RGS6: variants seen among roughly 807,000 people sequenced by gnomAD.
RGS6 encodes regulator of G-protein signaling 6.
In RGS6, 30 loss-of-function variants were observed where a neutral mutation model predicts 78.5. The ratio of observed to expected loss-of-function variants is 0.38; its 90% CI spans 0.29 to 0.52. The LOEUF (loss-of-function observed/expected upper bound fraction) is 0.52. Among genes scored for constraint, RGS6 ranks in the 20% least tolerant of loss-of-function variants. RGS6 has a pLI of 0.85. For missense variants in RGS6, 495 were observed against 609.7 expected (o/e 0.81, Z 1.98); for synonymous variants, 206 against 206.0 (o/e 1.00, Z 0.00).
At chr14:71,932,110 G>A (rs2087913147), upstream of RGS6, among the ~76,000 whole-genome samples, 1 of 152,216 alleles carries the variant, frequency 6.6e-6, no homozygotes, top group Non-Finnish European at 1.5e-5. Flanking sequence ...ATTGACGAAA[G>A]CAGCCTCCGC....
chr14:72,296,304 T>A (rs67838629), intron 2 of RGS6, among the ~76,000 whole-genome samples: 1 of 152,196 alleles, frequency 6.6e-6, no homozygotes, highest in Admixed American at 6.5e-5. Context: ...ATGAAAAGCC[T>A]TGTTCAAGGC....
At chr14:72,406,740 T>G (rs187080578) in intron 3 of RGS6, among the ~76,000 whole-genome samples, 148 of 152,332 alleles carry the variant, frequency 9.7e-4, no homozygotes, top group African/African-American at 3.3e-3. Context: ...TTCATCTTAG[T>G]ATTTTGGGGA....
At chr14:72,211,147 T>G (rs929252195) in intron 2 of RGS6, among the ~76,000 whole-genome samples, 1 of 152,154 alleles carries the variant, frequency 6.6e-6, no homozygotes, top group Non-Finnish European at 1.5e-5. Context: ...CCTAGAGTTA[T>G]TCAGAAAAGA....
At chr14:72,123,384 A>C (rs189978206) in intron 2 of RGS6, among the ~76,000 whole-genome samples, 6 of 152,370 alleles carry the variant, frequency 3.9e-5, no homozygotes, top group African/African-American at 7.2e-5. Flanking sequence ...AGTTGGTAGA[A>C]ATCAAGAAGC....
intron 2 of RGS6, among the ~76,000 whole-genome samples, chr14:72,112,880 C>G (rs796771715): frequency 3.3e-5 from 5 of 152,262 alleles, no homozygotes; most frequent in African/African-American, 9.6e-5. Context: ...TTGTTGTTAC[C>G]TTGAATATAA....
In RGS6 at chr14:72,540,028, T is replaced by C. The variant is rs1248347343; in HGVS notation, c.1369-13T>C. ...TGTATTTTTCTCCCTACCCTTTTTT[T>C]TTTTTCCTAAAGCCAGAAAGTGAGC... On this transcript the variant is annotated splice_polypyrimidine_tract_variant and intron_variant, in intron 16 of 17. Transcript: ENST00000553525. 1.3e-6 allele frequency: 2 copies of C among 1,562,052 alleles called. No individual in the cohort carries two copies. The highest frequency in any genetic ancestry group is 2.8e-5 in the African/African-American group (2 of 72,680).
At chr14:72,161,493 A>C (rs1419103641) in intron 2 of RGS6, among the ~76,000 whole-genome samples, 3 of 152,140 alleles carry the variant, frequency 2.0e-5, no homozygotes, top group African/African-American at 7.2e-5. Flanking sequence ...ATCTGTGCGA[A>C]TCTCCTTCTG....
At chr14:72,159,364 G>A (rs1567340865) in intron 2 of RGS6, among the ~76,000 whole-genome samples, 1 of 152,196 alleles carries the variant, frequency 6.6e-6, no homozygotes, top group Non-Finnish European at 1.5e-5. Flanking sequence ...TGTGAGGGTA[G>A]GCGCTCCAAA....
At chr14:72,008,623 C>G (rs2085046949) in intron 2 of RGS6, among the ~76,000 whole-genome samples, 1 of 152,166 alleles carries the variant, frequency 6.6e-6, no homozygotes, top group Non-Finnish European at 1.5e-5. Flanking sequence ...TGGTCCTGCT[C>G]TAATCCCGTG....
chr14:72,443,898 A>G (rs890605785), intron 3 of RGS6, among the ~76,000 whole-genome samples: 4 of 152,196 alleles, frequency 2.6e-5, no homozygotes, highest in African/African-American at 9.6e-5. Flanking sequence ...CCCTCGGGGA[A>G]CAGAAACGAT....
intron 13 of RGS6, among the ~76,000 whole-genome samples, chr14:72,507,306 G>A (rs547077142): frequency 2.4e-4 from 37 of 152,326 alleles, no homozygotes; most frequent in Admixed American, 6.5e-4. Flanking sequence ...TTAAGGAAAA[G>A]TCATGGACCT....
At chr14:72,102,296 T>C (rs2095544567) in intron 2 of RGS6, among the ~76,000 whole-genome samples, 1 of 152,216 alleles carries the variant, frequency 6.6e-6, no homozygotes, top group Non-Finnish European at 1.5e-5. Context: ...TTTTATCTTC[T>C]GCTTTACCAA....
chr14:72,050,868 G>A (rs1290254107), intron 2 of RGS6, among the ~76,000 whole-genome samples: 2 of 152,136 alleles, frequency 1.3e-5, no homozygotes, highest in African/African-American at 4.8e-5. Context: ...CCTGGATTTT[G>A]GTATATGCAA....
intron 17 of RGS6, among the ~76,000 whole-genome samples, chr14:72,548,221 C>T (rs2153526069): frequency 6.6e-6 from 1 of 152,246 alleles, no homozygotes; most frequent in South Asian, 2.1e-4. Context: ...AAGATCCAGA[C>T]CTCCAAAGTG....
At chr14:72,500,892 A>G (rs753852473) in intron 13 of RGS6, among the ~76,000 whole-genome samples, 3 of 152,212 alleles carry the variant, frequency 2.0e-5, no homozygotes, top group African/African-American at 4.8e-5. Flanking sequence ...TTTCAAAAGC[A>G]GGAATGTCTA....
At chr14:71,954,579 A>G (rs569954704) in intron 1 of RGS6, among the ~76,000 whole-genome samples, 1 of 152,158 alleles carries the variant, frequency 6.6e-6, no homozygotes, top group African/African-American at 2.4e-5. Context: ...TTGTGTTACA[A>G]TCCAATTACA....
At chr14:72,314,760 A>T (rs964052955) in intron 2 of RGS6, among the ~76,000 whole-genome samples, 1 of 152,226 alleles carries the variant, frequency 6.6e-6, no homozygotes, top group Non-Finnish European at 1.5e-5. Context: ...ACTCCAAGTT[A>T]TGGAAATTTA....
chr14:71,986,162 C>G (rs544802793), intron 2 of RGS6, among the ~76,000 whole-genome samples: 1 of 152,252 alleles, frequency 6.6e-6, no homozygotes, highest in African/African-American at 2.4e-5. Context: ...ACAGTGTTCT[C>G]GAACTGCCCA....
intron 2 of RGS6, among the ~76,000 whole-genome samples, chr14:72,256,330 G>C (rs1341651379): frequency 6.6e-6 from 1 of 152,176 alleles, no homozygotes; most frequent in Non-Finnish European, 1.5e-5. Flanking sequence ...CATGGGTCCA[G>C]GTAGAGTCAG....
Sources: allele counts gnomAD v4.1 joint callset (sites outside exome capture counted in the v4.1 genomes callset), GRCh38; gene constraint gnomAD v4.1.1; transcripts MANE v1.5; gene names NCBI Gene and HGNC (gene_info 2026-07-23, HGNC 2026-07-21).